OS9: variants seen among roughly 807,000 people sequenced by gnomAD.
OS9 encodes the protein OS9 endoplasmic reticulum lectin.
Under a neutral mutation model 84.7 loss-of-function variants are expected in OS9, and 58 were observed. The ratio of observed to expected loss-of-function variants is 0.68; its 90% CI spans 0.55 to 0.85. The LOEUF (loss-of-function observed/expected upper bound fraction) is 0.85, where lower values mean the gene tolerates loss of function less well. Among genes scored for constraint, OS9 ranks in the 40% least tolerant of loss-of-function variants. The pLI is 0.00. For missense variants in OS9, 760 were observed against 850.9 expected, an observed-to-expected ratio of 0.89 and a Z score of 1.33; for synonymous variants, 278 against 320.8, an observed-to-expected ratio of 0.87 and a Z score of 1.43.
At chr12:57,695,639 A>G in intron 2 of OS9, 141 bp from the exon 3 acceptor site, 1 of 729,782 alleles carries the variant, frequency 1.4e-6, no homozygotes, top group East Asian at 2.6e-5. Context: ...GAAAGTCTGG[A>G]GAATTGAGAG....
chr12:57,697,018 C>T (rs1953868812), intron 5 of OS9, among the ~76,000 whole-genome samples: 1 of 152,088 alleles, frequency 6.6e-6, no homozygotes, highest in South Asian at 2.1e-4. Context: ...GCAAAAAGTT[C>T]CTTGGGTGAT....
intron 5 of OS9, among the ~76,000 whole-genome samples, chr12:57,704,414 G>C (rs1954109139): frequency 6.6e-6 from 1 of 152,092 alleles, no homozygotes. Context: ...GCGCACACCT[G>C]TAATCCCAGC....
Position 57,716,402 on chromosome 12 carries a change from T to C in OS9, c.893-10T>C. The C allele has an allele frequency of 6.5e-7, 1 of 1,549,794 alleles. No individual in the cohort carries two copies. Among genetic ancestry groups the C allele is most frequent in the Non-Finnish European group, 8.7e-7 (1 of 1,144,586 alleles). On this transcript the variant is annotated splice_polypyrimidine_tract_variant and intron_variant, in intron 7 of 14. Coordinates refer to ENST00000315970, the MANE Select transcript of OS9 (RefSeq NM_006812.4). ...GTCAGATCAGTCTCTCCCTGTTCTC[T>C]GTACCCTAGGTGCGAGCCCGACCAA...
rs755422691 is a variant in OS9 at position 57,694,874 on chromosome 12, C to T, written c.287C>T (p.Pro96Leu). Residue 96 changes from proline (P) to leucine (L), a missense_variant, in exon 2 of 15, where the codon CCT (proline) becomes CTT (leucine). Physicochemically the swap from Pro to Leu is moderately conservative, Grantham distance 98. Coordinates refer to ENST00000315970, the MANE Select transcript of OS9 (RefSeq NM_006812.4). ...GAGGAAACACCTGCTTACCAAGGGC[C>T]TGGGATCCCTGAGTTGTTGAGCCCA... Reference protein sequence around the residue: ...REEETPAYQGPGIPELLSPMR... With the variant: ...REEETPAYQGLGIPELLSPMR... The T allele has an allele frequency of 1.2e-6, 2 of 1,614,186 alleles. No individual in the cohort carries two copies. Among genetic ancestry groups the T allele is most frequent in the Admixed American group, 1.7e-5 (1 of 60,014 alleles).
intron 13 of OS9, 30 bp from the exon 14 acceptor site, chr12:57,720,376 C>T: frequency 1.3e-6 from 2 of 1,598,946 alleles, no homozygotes; most frequent in South Asian, 2.2e-5. Context: ...CAACCATCCT[C>T]TCCTCTCACT....
Position 57,715,954 on chromosome 12 carries a change from C to G in OS9, c.774C>G (p.Tyr258Ter). Residue 258 changes from tyrosine (Y) to a stop codon, truncating the protein, a stop_gained, in exon 6 of 15, where the codon TAC (tyrosine) becomes TAG (stop). Coordinates refer to ENST00000315970, the MANE Select transcript of OS9 (RefSeq NM_006812.4). LOFTEE classifies it high-confidence loss of function. ...PSLQPEEYMA[Y>*]VQRQADSKQY... Reference sequence around the variant, plus strand: ...TACAGCCTGAGGAGTACATGGCCTACGTTCAGAGGCAAGCCGGTGAGTAAT... The same window carrying G: ...TACAGCCTGAGGAGTACATGGCCTAGGTTCAGAGGCAAGCCGGTGAGTAAT... The G allele has an allele frequency of 6.2e-7, 1 of 1,611,514 alleles. No individual in the cohort carries two copies. The highest frequency in any genetic ancestry group is 8.5e-7 in the Non-Finnish European group (1 of 1,178,504).
In OS9 at chr12:57,694,806, T is replaced by C; in HGVS notation, c.219T>C (p.Cys73=). 6.2e-7 allele frequency: 1 copy of C among 1,614,080 alleles called. No individual in the cohort carries two copies. Among genetic ancestry groups the C allele is most frequent in the African/African-American group, 1.3e-5 (1 of 75,026 alleles). ...VSSKYKQRYE[C]RLPAGAIHFQ... is the part of the protein sequence containing the mutation. ...CTAAGTACAAACAGCGCTATGAGTGTCGCCTGCCAGCTGGAGCTATTCACT... is the reference window on the plus strand; with the variant it reads ...CTAAGTACAAACAGCGCTATGAGTGCCGCCTGCCAGCTGGAGCTATTCACT... Residue 73 remains cysteine, a synonymous_variant, in exon 2 of 15, where the codon TGT becomes TGC. Transcript: ENST00000315970.
At chr12:57,704,718 T>C (rs1954118745) in intron 5 of OS9, among the ~76,000 whole-genome samples, 1 of 152,212 alleles carries the variant, frequency 6.6e-6, no homozygotes, top group African/African-American at 2.4e-5. Flanking sequence ...TCTTGTTTTG[T>C]TTATAGTGTC....
intron 5 of OS9, among the ~76,000 whole-genome samples, chr12:57,714,288 C>T (rs926963632): frequency 2.6e-5 from 4 of 152,048 alleles, no homozygotes; most frequent in East Asian, 1.9e-4. Flanking sequence ...CTCACCGCAA[C>T]CTTGGCCTCC....
At chr12:57,711,442 G>A (rs1954332064) in intron 5 of OS9, among the ~76,000 whole-genome samples, 1 of 144,948 alleles carries the variant, frequency 6.9e-6, no homozygotes, top group South Asian at 2.2e-4. Flanking sequence ...CACCTCCCGG[G>A]TTCAAGGGAT....
At chr12:57,710,847 T>A (rs1954304599) in intron 5 of OS9, among the ~76,000 whole-genome samples, 1 of 151,804 alleles carries the variant, frequency 6.6e-6, no homozygotes, top group Non-Finnish European at 1.5e-5. Context: ...CAAGACCAGC[T>A]TGGCCCATAT....
chr12:57,716,445 C>T lies in OS9; in HGVS notation c.926C>T (p.Ser309Leu). The change falls in exon 8 of 15, where the codon TCA (serine) becomes TTA (leucine). Residue 309 changes from serine to leucine, a missense_variant. Physicochemically the swap from Ser to Leu is moderately radical, Grantham distance 145. Transcript: ENST00000315970. Reference protein sequence around the residue: ...ASPTKDDSKDSDFWKMLNEPE... With the variant: ...ASPTKDDSKDLDFWKMLNEPE... ...CCGACCAAGGATGACAGTAAGGACT[C>T]AGATTTCTGGAAGATGCTTAATGAG... 1 of 1,566,896 alleles carries T rather than the reference C, an allele frequency of 6.4e-7. No individual in the cohort carries two copies. Among genetic ancestry groups the T allele is most frequent in the Non-Finnish European group, 8.7e-7 (1 of 1,154,938 alleles).
chr12:57,695,873 C>T (rs1351149734), intron 3 of OS9, 30 bp downstream of exon 3: 1 of 1,589,236 alleles, frequency 6.3e-7, no homozygotes, highest in Non-Finnish European at 8.6e-7. Flanking sequence ...TCCTTAAGCC[C>T]TTAGTGTCAT....
intron 5 of OS9, among the ~76,000 whole-genome samples, chr12:57,701,262 A>ATTTTTTTT (rs556973162): frequency 2.8e-5 from 2 of 71,472 alleles, no homozygotes; most frequent in African/African-American, 5.8e-5. Flanking sequence ...TGGTTGAGTG[A>ATTTTTTTT]TTTTTTTTTT....
Position 57,697,697 on chromosome 12 carries a change from A to G in OS9, c.579+1324A>G, listed in dbSNP as rs80053132. On this transcript the variant is annotated intron_variant, in intron 5 of 14. Transcript: ENST00000315970. ...CAAGGTCTGGGATAGAGATATAAGT[A>G]CTCATTGTATTTCTGCCACACTGGC... Among the ~76,000 whole-genome samples, 65 of 152,054 alleles carry G rather than the reference A, an allele frequency of 4.3e-4. No individual in the cohort carries two copies. In the East Asian group the frequency reaches 0.012, roughly 28 times the overall value.
chr12:57,694,460 C>T (rs1953762707), intron 1 of OS9, 137 bp downstream of exon 1: 3 of 969,270 alleles, frequency 3.1e-6, no homozygotes, highest in Admixed American at 5.2e-5. Flanking sequence ...TACGGTGACC[C>T]CTGGGGGTCG....
chr12:57,716,287 G>C (rs549359274), intron 7 of OS9, 94 bp downstream of exon 7: 21 of 744,944 alleles, frequency 2.8e-5, no homozygotes, highest in Non-Finnish European at 4.1e-5. Flanking sequence ...GGTGGGGGGG[G>C]GTGGAAAAGT....
intron 7 of OS9, 26 bp from the exon 8 acceptor site, chr12:57,716,386 G>A (rs1417344266): frequency 6.5e-7 from 1 of 1,529,180 alleles, no homozygotes; most frequent in Non-Finnish European, 8.9e-7. Flanking sequence ...TGTCAGATCA[G>A]TCTCTCCCTG....
chr12:57,704,107 A>T (rs915373262), intron 5 of OS9, among the ~76,000 whole-genome samples: 4 of 152,238 alleles, frequency 2.6e-5, no homozygotes, highest in African/African-American at 4.8e-5. Context: ...TGTATATGAC[A>T]TTGATTTACC....
Sources: gnomAD v4.1 joint callset for allele counts (sites outside exome capture counted in the v4.1 genomes callset) on GRCh38, gnomAD v4.1.1 for gene constraint, MANE v1.5 for transcripts, NCBI Gene and HGNC (gene_info 2026-07-23, HGNC 2026-07-21) for gene names.